Variants in UNC13C observed in about 807,000 individuals in gnomAD.
The protein encoded by UNC13C is unc-13 homolog C.
Under a neutral mutation model 245.4 loss-of-function variants are expected in UNC13C, and 174 were observed. The ratio of observed to expected loss-of-function variants is 0.71; its 90% CI spans 0.63 to 0.80. The LOEUF (loss-of-function observed/expected upper bound fraction) is 0.80, where lower values mean the gene tolerates loss of function less well. Ranked by LOEUF, UNC13C falls within the 30% of genes least tolerant of loss-of-function variation. The pLI is 0.00. For synonymous variants in UNC13C, 992 were observed against 895.1 expected (o/e 1.11, Z -1.93); for missense variants, 2,829 against 2,602.9 (o/e 1.09, Z -1.89).
intron 1 of UNC13C, among the ~76,000 whole-genome samples, chr15:54,011,270 G>A (rs746206820): frequency 1.1e-4 from 16 of 152,094 alleles, no homozygotes; most frequent in Non-Finnish European, 1.6e-4. Flanking sequence ...GAACTTTCCC[G>A]CTCAAACTTT....
At chr15:54,519,861 A>C (rs928923106) in intron 24 of UNC13C, among the ~76,000 whole-genome samples, 3 of 152,190 alleles carry the variant, frequency 2.0e-5, no homozygotes, top group Non-Finnish European at 2.9e-5. Flanking sequence ...TTCTAGATTC[A>C]CTAGGGAATT....
intron 16 of UNC13C, among the ~76,000 whole-genome samples, chr15:54,334,986 A>C (rs180820602): frequency 2.0e-5 from 3 of 152,268 alleles, no homozygotes; most frequent in Admixed American, 2.0e-4. Flanking sequence ...CAATGAAAAA[A>C]AAAATAGGAG....
chr15:54,597,637 T>G (rs1899168032), intron 30 of UNC13C, among the ~76,000 whole-genome samples: 1 of 151,480 alleles, frequency 6.6e-6, no homozygotes, highest in Admixed American at 6.6e-5. Context: ...TTGATCTTTT[T>G]CATAGACTGG....
the UNC13C span, among the ~76,000 whole-genome samples, chr15:53,867,194 A>T: frequency 7.2e-5 from 11 of 152,214 alleles, no homozygotes; most frequent in Non-Finnish European, 1.2e-4. Context: ...GCTCACTCTC[A>T]TTACTGTTAT....
At chr15:54,476,633 G>A (rs1035590819) in intron 19 of UNC13C, among the ~76,000 whole-genome samples, 28 of 151,826 alleles carry the variant, frequency 1.8e-4, no homozygotes, top group South Asian at 2.1e-4. Flanking sequence ...ATGCAGCGTT[G>A]TTTCTGAGGG....
the UNC13C span, chr15:53,911,159 G>A: frequency 6.6e-6 from 1 of 152,166 alleles, no homozygotes; most frequent in Non-Finnish European, 1.5e-5. Context: ...ACAGGTAAGG[G>A]ACCTCCCAGG....
At chr15:54,471,350 T>C (rs1318249437) in intron 19 of UNC13C, among the ~76,000 whole-genome samples, 1 of 151,650 alleles carries the variant, frequency 6.6e-6, no homozygotes, top group African/African-American at 2.4e-5. Context: ...GATCTCTTAA[T>C]GAGATCTGTA....
intron 30 of UNC13C, among the ~76,000 whole-genome samples, chr15:54,596,866 C>T (rs1899111015): frequency 6.6e-6 from 1 of 152,154 alleles, no homozygotes; most frequent in Non-Finnish European, 1.5e-5. Context: ...GAGGTCTCAC[C>T]AGTAGCTGAG....
At position 54,389,871 on chromosome 15, in the gene UNC13C, G is replaced by A. The variant is rs113958197; in HGVS notation, c.4714-3177G>A. On this transcript the variant is annotated intron_variant, in intron 17 of 32. Transcript: ENST00000260323. The stretch of plus-strand genomic sequence containing the variant: ...AGCCTCCCAAGTAGCCGGGACTACA[G>A]GCATGTGCCACCATGCCCAGCTAGT... Among the ~76,000 whole-genome samples the A allele has an allele frequency of 9.2e-5, 14 of 152,224 alleles. 4 individuals are homozygous for A. Among genetic ancestry groups the A allele is most frequent in the African/African-American group, 3.4e-4 (14 of 41,542 alleles).
In UNC13C at chr15:54,461,658, AC is replaced by A. The variant is rs539041618; in HGVS notation, c.4934-32949del. ...GCAGAAGAGAAAGTACACAATTGTG[AC>A]AATTGAGTCATTGAGTAAATCAGGT... On this transcript the variant is annotated intron_variant, in intron 19 of 32. Transcript: ENST00000260323. Among the ~76,000 whole-genome samples, 532 of 152,330 alleles carry A rather than the reference AC, an allele frequency of 3.5e-3. 4 individuals carry two copies. Among genetic ancestry groups the A allele is most frequent in the African/African-American group, 0.012 (501 of 41,584 alleles).
chr15:54,174,572 G>A (rs968056630), intron 4 of UNC13C, among the ~76,000 whole-genome samples: 34 of 152,120 alleles, frequency 2.2e-4, no homozygotes, highest in African/African-American at 8.0e-4. Context: ...TTAAAAACAA[G>A]TTGATTAAAA....
At chr15:54,326,713 A>T (rs756291817) in intron 14 of UNC13C, among the ~76,000 whole-genome samples, 1 of 152,008 alleles carries the variant, frequency 6.6e-6, no homozygotes, top group Non-Finnish European at 1.5e-5. Context: ...TGGGAGGAAC[A>T]TATTAATAGC....
At chr15:53,872,798 C>T in the UNC13C span, among the ~76,000 whole-genome samples, 4 of 152,140 alleles carry the variant, frequency 2.6e-5, no homozygotes, top group Admixed American at 2.0e-4. Flanking sequence ...CTTCCAAAAT[C>T]CTCTCTCATT....
the UNC13C span, among the ~76,000 whole-genome samples, chr15:53,874,889 T>A: frequency 5.9e-5 from 9 of 151,876 alleles, no homozygotes; most frequent in South Asian, 2.1e-4. Context: ...AGGTCAGGAG[T>A]TCGAGAACAT....
intron 1 of UNC13C, among the ~76,000 whole-genome samples, chr15:53,981,058 G>A (rs188556295): frequency 6.5e-4 from 99 of 152,258 alleles, no homozygotes; most frequent in African/African-American, 1.4e-3. Flanking sequence ...AACGTACTTC[G>A]TTGTCTGCTG....
intron 18 of UNC13C, among the ~76,000 whole-genome samples, chr15:54,408,224 A>C (rs906431551): frequency 6.7e-6 from 1 of 148,522 alleles, no homozygotes; most frequent in African/African-American, 2.5e-5. Context: ...AAAAAAAAAA[A>C]AAAAACATGG....
chr15:54,605,131 G>C (rs757393398), intron 30 of UNC13C, among the ~76,000 whole-genome samples: 48 of 152,156 alleles, frequency 3.2e-4, no homozygotes, highest in Non-Finnish European at 6.5e-4. Context: ...AAGCTGGAGG[G>C]AGAAGTGATC....
At chr15:54,238,003 G>C (rs549478342) in intron 7 of UNC13C, among the ~76,000 whole-genome samples, 2 of 150,382 alleles carry the variant, frequency 1.3e-5, no homozygotes, top group African/African-American at 2.4e-5. Context: ...CTTTTACGAG[G>C]TTTTCCCCAA....
intron 6 of UNC13C, 52 bp downstream of exon 6, chr15:54,236,487 A>G (rs1347368002): frequency 1.4e-6 from 2 of 1,431,524 alleles, no homozygotes; most frequent in South Asian, 1.2e-5. Context: ...TCTCAAACAT[A>G]CACTGCACTT....
Sources: allele counts gnomAD v4.1 joint callset (sites outside exome capture counted in the v4.1 genomes callset), GRCh38; gene constraint gnomAD v4.1.1; transcripts MANE v1.5; gene names NCBI Gene and HGNC (gene_info 2026-07-23, HGNC 2026-07-21).